Variants in LARGE1 observed in about 807,000 individuals in gnomAD.
The protein encoded by LARGE1 is LARGE xylosyl- and glucuronyltransferase 1.
In LARGE1, 43 loss-of-function variants were observed where a neutral mutation model predicts 87.6. The ratio of observed to expected loss-of-function variants is 0.49; its 90% CI spans 0.38 to 0.63. LARGE1 has a LOEUF of 0.63. LARGE1 is among the 30% of genes least tolerant of loss of function. LARGE1 has a pLI of 0.00. For synonymous variants in LARGE1, 434 were observed against 394.6 expected (o/e 1.10, Z -1.18); for missense variants, 802 against 1,000.2 (o/e 0.80, Z 2.67).
the LARGE1 span, among the ~76,000 whole-genome samples, chr22:33,150,534 G>A: frequency 2.6e-5 from 4 of 152,146 alleles, no homozygotes; most frequent in East Asian, 1.9e-4. Flanking sequence ...TTAAAATTAC[G>A]TATTCCCAAA....
chr22:33,349,996 T>C (rs748966576), intron 9 of LARGE1, among the ~76,000 whole-genome samples: 2 of 152,206 alleles, frequency 1.3e-5, no homozygotes, highest in Non-Finnish European at 2.9e-5. Flanking sequence ...AGGCCTTGTC[T>C]TATATCCTAT....
the LARGE1 span, among the ~76,000 whole-genome samples, chr22:33,070,434 G>A: frequency 6.6e-6 from 1 of 152,152 alleles, no homozygotes; most frequent in African/African-American, 2.4e-5. Context: ...GTTAGAGAAG[G>A]TGGTGGTGGT....
At chr22:33,774,528 T>C (rs2085173687) in intron 1 of LARGE1, among the ~76,000 whole-genome samples, 1 of 151,030 alleles carries the variant, frequency 6.6e-6, no homozygotes, top group Admixed American at 6.6e-5. Context: ...AGCTAATTTT[T>C]GTATTTTTAG....
chr22:33,673,098 C>A (rs1248840624), intron 2 of LARGE1, among the ~76,000 whole-genome samples: 1 of 152,044 alleles, frequency 6.6e-6, no homozygotes, highest in Non-Finnish European at 1.5e-5. Flanking sequence ...CATGGTGAAA[C>A]CCCGTCTCTA....
chr22:33,669,902 C>T (rs2081361866), intron 2 of LARGE1, among the ~76,000 whole-genome samples: 1 of 152,176 alleles, frequency 6.6e-6, no homozygotes, highest in Non-Finnish European at 1.5e-5. Context: ...ATGCAAAAGG[C>T]TCACATTGAC....
At chr22:33,302,474 C>T (rs895062069) in intron 12 of LARGE1, among the ~76,000 whole-genome samples, 2 of 152,142 alleles carry the variant, frequency 1.3e-5, no homozygotes, top group Middle Eastern at 3.2e-3. Context: ...TGGAAGGACA[C>T]GGACTCAGAA....
intron 7 of LARGE1, among the ~76,000 whole-genome samples, chr22:33,425,623 G>A (rs1021045252): frequency 3.5e-4 from 54 of 152,310 alleles, no homozygotes; most frequent in African/African-American, 1.2e-3. Flanking sequence ...CTTTCAGTGG[G>A]ATTATTCTAC....
At chr22:33,712,425 G>A (rs990714508) in intron 2 of LARGE1, among the ~76,000 whole-genome samples, 1 of 152,098 alleles carries the variant, frequency 6.6e-6, no homozygotes, top group Non-Finnish European at 1.5e-5. Context: ...GCACAAGAGG[G>A]GCATGTTCAC....
At chr22:33,867,732 C>T (rs947022061) in intron 1 of LARGE1, among the ~76,000 whole-genome samples, 5 of 152,176 alleles carry the variant, frequency 3.3e-5, no homozygotes, top group Admixed American at 2.0e-4. Flanking sequence ...CCTCTAGTCC[C>T]GATCGCTCCT....
chr22:33,316,763 C>CA (rs1000591158), intron 10 of LARGE1, among the ~76,000 whole-genome samples: 4 of 151,318 alleles, frequency 2.6e-5, no homozygotes, highest in Admixed American at 6.6e-5. Flanking sequence ...AAGAAAAAAA[C>CA]AAAAAAAAGA....
chr22:33,266,219 C>CTTTTTTTTTTT (rs983805203), intron 11 of LARGE1, among the ~76,000 whole-genome samples: 1 of 106,934 alleles, frequency 9.4e-6, no homozygotes, highest in Non-Finnish European at 1.8e-5. Flanking sequence ...ATTTTCAGGG[C>CTTTTTTTTTTT]TTTTTTTTTT....
intron 2 of LARGE1, among the ~76,000 whole-genome samples, chr22:33,688,932 A>C (rs1368429931): frequency 2.6e-5 from 4 of 152,142 alleles, no homozygotes; most frequent in Non-Finnish European, 5.9e-5. Flanking sequence ...AACCTCCTTC[A>C]GTGACCTCCC....
chr22:33,265,235 G>A lies in LARGE1; in HGVS notation c.1730+38994C>T, dbSNP rs1015509221. Among the ~76,000 whole-genome samples the A allele has an allele frequency of 3.3e-5, 5 of 152,148 alleles. No individual in the cohort carries two copies. In the East Asian group the frequency reaches 9.7e-4, roughly 29 times the overall value. ...AAATTCTTTATACCCCACCTTTGGGGTCTAAGTTCTTGGACTGCCTCTAGC... is the reference window on the plus strand; with the variant it reads ...AAATTCTTTATACCCCACCTTTGGGATCTAAGTTCTTGGACTGCCTCTAGC... On this transcript the variant is annotated intron_variant, in intron 11 of 11. Transcript: ENST00000608642.
intron 6 of LARGE1, among the ~76,000 whole-genome samples, chr22:33,539,200 T>C (rs542052467): frequency 2.6e-5 from 4 of 152,224 alleles, no homozygotes; most frequent in African/African-American, 9.6e-5. Context: ...GTGAAAAGTA[T>C]GGTTGGCCCT....
Position 33,829,000 on chromosome 22 carries a change from C to CTTTTTTTTTTTTTTT in LARGE1, c.-82-67443_-82-67442insAAAAAAAAAAAAAAA, listed in dbSNP as rs1362969628. On this transcript the variant is annotated intron_variant, in intron 1 of 14. Transcript: ENST00000397394. ...TTCTCAGAGATGCTTTGTGAAGTCT[C>CTTTTTTTTTTTTTTT]TTTTTCTTTTTTTTTTTTTTTTTTT... Among the ~76,000 whole-genome samples the CTTTTTTTTTTTTTTT allele has an allele frequency of 2.8e-5, 3 of 106,198 alleles. 1 individual carries two copies. The highest frequency in any genetic ancestry group is 1.9e-5 in the Non-Finnish European group (1 of 52,940). 69.7% of individuals were successfully genotyped at this position (106,198 alleles called of 152,430 possible).
intron 6 of LARGE1, among the ~76,000 whole-genome samples, chr22:33,456,629 A>C (rs1014984773): frequency 2.6e-5 from 4 of 152,192 alleles, no homozygotes; most frequent in African/African-American, 9.7e-5. Context: ...ACCTGTTGTA[A>C]ATGCAACCTT....
At chr22:33,841,514 C>T (rs2146416661) in intron 1 of LARGE1, among the ~76,000 whole-genome samples, 1 of 152,288 alleles carries the variant, frequency 6.6e-6, no homozygotes, top group East Asian at 1.9e-4. Flanking sequence ...GATGTAGCTA[C>T]AATATCCGCA....
At chr22:33,781,806 A>C (rs867047939) in intron 1 of LARGE1, among the ~76,000 whole-genome samples, 1 of 152,194 alleles carries the variant, frequency 6.6e-6, no homozygotes, top group African/African-American at 2.4e-5. Flanking sequence ...ATAGATATAC[A>C]TAAGATATTT....
At chr22:33,403,998 T>A (rs996215651) in intron 7 of LARGE1, among the ~76,000 whole-genome samples, 2 of 152,204 alleles carry the variant, frequency 1.3e-5, no homozygotes, top group African/African-American at 2.4e-5. Context: ...AAGTCTCCTA[T>A]GTACCAGAAC....
Sources: allele counts gnomAD v4.1 joint callset (sites outside exome capture counted in the v4.1 genomes callset), GRCh38; gene constraint gnomAD v4.1.1; transcripts MANE v1.5; gene names NCBI Gene and HGNC (gene_info 2026-07-23, HGNC 2026-07-21).